ABCG8: variants seen among roughly 807,000 people sequenced by gnomAD.
ABCG8 encodes the protein ATP binding cassette subfamily G member 8, also known as ATP-binding cassette sub-family G member 8.
In ABCG8, 81 loss-of-function variants were observed where a neutral mutation model predicts 71.3. The observed-to-expected ratio is 1.14, with a 90% CI of 0.95 to 1.37. ABCG8 has a LOEUF of 1.37. Ranked by LOEUF, ABCG8 falls within the 40% of genes most tolerant of loss-of-function variation. ABCG8 has a pLI of 0.00. For synonymous variants in ABCG8, 451 were observed against 354.7 expected (o/e 1.27, Z -3.05); for missense variants, 1,119 against 866.2 (o/e 1.29, Z -3.66).
At chr2:43,867,425 C>T (rs1216088102) in intron 6 of ABCG8, among the ~76,000 whole-genome samples, 1 of 152,000 alleles carries the variant, frequency 6.6e-6, no homozygotes, top group Non-Finnish European at 1.5e-5. Flanking sequence ...ATAGAACTCT[C>T]ACTCTCTATC....
intron 6 of ABCG8, among the ~76,000 whole-genome samples, chr2:43,855,475 A>T (rs2104923839): frequency 6.6e-6 from 1 of 152,132 alleles, no homozygotes; most frequent in East Asian, 1.9e-4. Flanking sequence ...TCTGGATAGA[A>T]TTCTCACCAT....
intron 6 of ABCG8, among the ~76,000 whole-genome samples, chr2:43,868,603 T>C (rs1428142602): frequency 1.3e-5 from 2 of 152,022 alleles, no homozygotes; most frequent in East Asian, 3.9e-4. Flanking sequence ...ATAATCATCG[T>C]CTGGATAGAA....
intron 6 of ABCG8, among the ~76,000 whole-genome samples, chr2:43,862,682 T>G (rs1669369408): frequency 6.6e-6 from 1 of 151,304 alleles, no homozygotes; most frequent in African/African-American, 2.4e-5. Flanking sequence ...ATTCTCACTC[T>G]CTGGATAGAA....
Position 43,877,946 on chromosome 2 carries a change from C to G in ABCG8, c.*33C>G, listed in dbSNP as rs1193140405. On this transcript the variant is annotated 3_prime_UTR_variant, in exon 13 of 13. Transcript: ENST00000272286. ...CAGACGTCTGCCCGCTGGTGGGGGACCTGAGCAGACCCTTCAACTGCACTC... is the reference window on the plus strand; with the variant it reads ...CAGACGTCTGCCCGCTGGTGGGGGAGCTGAGCAGACCCTTCAACTGCACTC... 3.7e-6 allele frequency: 6 copies of G among 1,613,972 alleles called. No individual in the cohort carries two copies. The highest frequency in any genetic ancestry group is 5.1e-6 in the Non-Finnish European group (6 of 1,179,990).
intron 2 of ABCG8, 93 bp from the exon 3 acceptor site, chr2:43,846,062 G>A (rs1668732717): frequency 7.2e-7 from 1 of 1,393,764 alleles, no homozygotes; most frequent in Admixed American, 1.7e-5. Context: ...CTGTGGAGAG[G>A]GGCCACCTGG....
rs533359544 is a variant in ABCG8, at chr2:43,852,647, C to A, written c.743C>A (p.Ala248Asp). The A allele has an allele frequency of 6.2e-7, 1 of 1,614,204 alleles. No individual in the cohort carries two copies. Among genetic ancestry groups the A allele is most frequent in the South Asian group, 1.1e-5 (1 of 91,088 alleles). ...ACCTCTGGGCTCGACAGCTTCACAG[C>A]CCACAACCTGGTGAAGACCTTGTCC... is the stretch of plus-strand genomic sequence containing the variant. ...EPTSGLDSFT[A>D]HNLVKTLSRL... The change falls in exon 6 of 13, where the codon GCC becomes GAC. Residue 248 changes from alanine (A) to aspartate (D), a missense_variant. Coordinates refer to ENST00000272286, the MANE Select transcript of ABCG8 (RefSeq NM_022437.3).
chr2:43,855,378 C>G (rs1192029845), intron 6 of ABCG8, among the ~76,000 whole-genome samples: 1 of 152,030 alleles, frequency 6.6e-6, no homozygotes, highest in Non-Finnish European at 1.5e-5. Context: ...CTCTTACTGT[C>G]TATCTGGATA....
At chr2:43,857,806 C>G (rs926609079) in intron 6 of ABCG8, among the ~76,000 whole-genome samples, 1 of 151,792 alleles carries the variant, frequency 6.6e-6, no homozygotes, top group Middle Eastern at 3.4e-3. Flanking sequence ...GTCGTTAGAA[C>G]TCTCACTACC....
intron 6 of ABCG8, among the ~76,000 whole-genome samples, chr2:43,862,791 C>A (rs763889451): frequency 1.3e-5 from 2 of 150,716 alleles, no homozygotes; most frequent in South Asian, 4.2e-4. Context: ...CACTATCTCT[C>A]TGTGTAGAAT....
intron 1 of ABCG8, among the ~76,000 whole-genome samples, chr2:43,843,130 C>G (rs1048566217): frequency 6.6e-5 from 10 of 152,250 alleles, no homozygotes; most frequent in Non-Finnish European, 1.0e-4. Flanking sequence ...GTCAGCCTCC[C>G]TCTCTGCCTG....
In ABCG8 at chr2:43,857,668, G is replaced by A. The variant is rs1377656598; in HGVS notation, c.964+4800G>A. On this transcript the variant is annotated intron_variant, in intron 6 of 12. Coordinates refer to ENST00000272286, the MANE Select transcript of ABCG8 (RefSeq NM_022437.3). Reference sequence around the variant, plus strand: ...ATAAATGGTAGAATTCTTACTCTCTGGACAAAACTCTCACTATCTTTCAGG... The same window carrying A: ...ATAAATGGTAGAATTCTTACTCTCTAGACAAAACTCTCACTATCTTTCAGG... 1.3e-5 allele frequency among the ~76,000 whole-genome samples: 2 copies of A among 151,236 alleles called. 1 individual carries two copies. Among genetic ancestry groups the A allele is most frequent in the African/African-American group, 4.9e-5 (2 of 41,224 alleles).
At position 43,882,166 on chromosome 2, in the gene ABCG8, G is replaced by T. The variant is rs796726385; in HGVS notation, c.*4253G>T. On this transcript the variant is annotated 3_prime_UTR_variant, in exon 13 of 13. Coordinates refer to ENST00000272286, the MANE Select transcript of ABCG8 (RefSeq NM_022437.3). Reference sequence around the variant, plus strand: ...TATTTCCTGATTTAAAAAAAAATCTGCTCTTGTTCCTATAAATAGTATATA... The same window carrying T: ...TATTTCCTGATTTAAAAAAAAATCTTCTCTTGTTCCTATAAATAGTATATA... 6.6e-5 allele frequency: 10 copies of T among 152,246 alleles called. No individual in the cohort carries two copies. Among genetic ancestry groups the T allele is most frequent in the African/African-American group, 2.4e-4 (10 of 41,536 alleles). 9.4% of individuals were successfully genotyped at this position (152,246 alleles called of 1,614,324 possible).
In ABCG8 at chr2:43,873,822, C is replaced by A. The variant is rs1299917319; in HGVS notation, c.1247C>A (p.Thr416Asn). 1.2e-6 allele frequency: 2 copies of A among 1,614,058 alleles called. No homozygotes were observed. Among genetic ancestry groups the A allele is most frequent in the Admixed American group, 1.7e-5 (1 of 60,012 alleles). Residue 416 changes from threonine to asparagine, a missense_variant, in exon 9 of 13, where the codon ACC becomes AAC. Transcript: ENST00000272286. ...TCCAACGACTTCCGAGACCTGCCCA[C>A]CCTCCTCATCCATGGGGCGGAGGCC... Reference protein sequence around the residue: ...QISNDFRDLPTLLIHGAEACL... With the variant: ...QISNDFRDLPNLLIHGAEACL...
At chr2:43,851,971 C>A (rs1668933515) in intron 4 of ABCG8, 149 bp downstream of exon 4, 2 of 882,470 alleles carry the variant, frequency 2.3e-6, no homozygotes, top group African/African-American at 1.6e-5. Context: ...GGCTGCAGCC[C>A]ACCCTCCACC....
At chr2:43,840,070 C>T (rs553504064) in intron 1 of ABCG8, among the ~76,000 whole-genome samples, 89 of 152,264 alleles carry the variant, frequency 5.8e-4, no homozygotes, top group Non-Finnish European at 1.0e-3. Context: ...GGAAGACAAG[C>T]GAGAAGCAGA....
Position 43,853,387 on chromosome 2 carries a change from T to C in ABCG8, c.964+519T>C, listed in dbSNP as rs1668993571. 2.0e-5 allele frequency among the ~76,000 whole-genome samples: 3 copies of C among 152,134 alleles called. No individual in the cohort carries two copies. The South Asian group carries it at 6.2e-4, about 32-fold the overall frequency. On this transcript the variant is annotated intron_variant, in intron 6 of 12. Transcript: ENST00000272286. ...GCTTGGGTCCTGAACACTCAGCATA[T>C]TACACTCAGGGAGCATGAGCCGCTT...
At position 43,879,051 on chromosome 2, in the gene ABCG8, C is replaced by T. The variant is rs1558867389; in HGVS notation, c.*1138C>T. ...CGTGCTGAACTGTGAGTCAGTTAAA[C>T]CTCTTTTCTTTATAAATTACCCAGT... On this transcript the variant is annotated 3_prime_UTR_variant, in exon 13 of 13. Coordinates refer to ENST00000272286, the MANE Select transcript of ABCG8 (RefSeq NM_022437.3). The T allele has an allele frequency of 6.6e-6, 1 of 152,242 alleles. No homozygotes were observed. Among genetic ancestry groups the T allele is most frequent in the Admixed American group, 6.5e-5 (1 of 15,278 alleles). 9.4% of individuals were successfully genotyped at this position (152,242 alleles called of 1,614,324 possible). A position where few individuals can be genotyped will look rare whatever the true frequency, so the allele number is the denominator to read the frequency against.
rs746527671 is a variant in ABCG8 at position 43,852,426 on chromosome 2, G to T, written c.634G>T (p.Gly212Trp). 8.7e-6 allele frequency: 14 copies of T among 1,612,678 alleles called. No homozygotes were observed. The Admixed American group carries it at 2.2e-4, about 25-fold the overall frequency. ...DTRVGNMYVR[G>W]LSGGERRRVS... ...CCGCGTGGGCAACATGTACGTGCGG[G>T]GGTTGTCGGGGGGTGAGCGCAGGAG... The change falls in exon 5 of 13, where the codon GGG (glycine) becomes TGG (tryptophan). Residue 212 changes from glycine (G) to tryptophan (W), a missense_variant. Gly to Trp is a radical substitution (Grantham distance 184). Coordinates refer to ENST00000272286, the MANE Select transcript of ABCG8 (RefSeq NM_022437.3).
In ABCG8 at chr2:43,872,014, G is replaced by A. The variant is rs757696341; in HGVS notation, c.1003G>A (p.Glu335Lys). Residue 335 changes from glutamate (E) to lysine (K), a missense_variant, in exon 7 of 13, where the codon GAA becomes AAA. Coordinates refer to ENST00000272286, the MANE Select transcript of ABCG8 (RefSeq NM_022437.3). Reference protein sequence around the residue: ...TSIDRRSREQELATREKAQSL... With the variant: ...TSIDRRSREQKLATREKAQSL... ...CATTGACAGGCGCAGCAGAGAGCAG[G>A]AATTGGCCACCAGGGAGAAGGCTCA... 4 of 1,614,122 alleles carry A rather than the reference G, an allele frequency of 2.5e-6. No individual in the cohort carries two copies. The highest frequency in any genetic ancestry group is 1.7e-5 in the Admixed American group (1 of 60,026).
Sources: allele counts gnomAD v4.1 joint callset (sites outside exome capture counted in the v4.1 genomes callset), GRCh38; gene constraint gnomAD v4.1.1; transcripts MANE v1.5; gene names NCBI Gene and HGNC (gene_info 2026-07-23, HGNC 2026-07-21).